Variants in GUSB observed in about 807,000 individuals in gnomAD.
GUSB encodes beta-glucuronidase.
In GUSB, 51 loss-of-function variants were observed where a neutral mutation model predicts 74.6. The observed-to-expected ratio is 0.68, with a 90% CI of 0.55 to 0.86. The LOEUF is 0.86. GUSB is among the 40% of genes least tolerant of loss of function. GUSB has a pLI of 0.00. For synonymous variants in GUSB, 360 were observed against 348.3 expected (o/e 1.03, Z -0.37); for missense variants, 736 against 853.7 (o/e 0.86, Z 1.72).
intron 5 of GUSB, 61 bp downstream of exon 5, chr7:65,975,954 A>G: frequency 6.9e-7 from 1 of 1,443,470 alleles, no homozygotes; most frequent in South Asian, 1.2e-5. Flanking sequence ...CTCCTGCTGA[A>G]GCCAGGGTCA....
rs761881997 is a variant in GUSB, at chr7:65,974,317, C to T, written c.1369G>A (p.Glu457Lys). The change falls in exon 8 of 12, where the codon GAA (glutamate) becomes AAA (lysine). Residue 457 changes from glutamate (E) to lysine (K), a missense_variant. By Grantham distance (56) the Glu-to-Lys change is moderately conservative. This residue lies in a region of GUSB where 368 missense variants were observed against 489.9 expected (regional missense o/e 0.75). Coordinates refer to ENST00000304895, the MANE Select transcript of GUSB (RefSeq NM_000181.4). ...CACTTCAAGTAGTAGCCAGCAGATT[C>T]TAGGTGGGACGCAGGCTCGTTGGCC... The part of the protein sequence containing the change: ...SVANEPASHL[E>K]SAGYYLKMVI... 1 of 1,614,108 alleles carries T rather than the reference C, an allele frequency of 6.2e-7. No individual in the cohort carries two copies. The highest frequency in any genetic ancestry group is 8.5e-7 in the Non-Finnish European group (1 of 1,180,020).
intron 1 of GUSB, chr7:65,980,947 T>G: frequency 4.9e-6 from 1 of 205,104 alleles, no homozygotes; most frequent in Non-Finnish European, 1.0e-5. Flanking sequence ...GGTGGCGTCC[T>G]GGGCCTGATG....
chr7:65,982,013 C>G lies in GUSB; in HGVS notation c.171G>C (p.Arg57=), dbSNP rs567066124. The G allele has an allele frequency of 1.2e-6, 2 of 1,609,884 alleles. No individual in the cohort carries two copies. Among genetic ancestry groups the G allele is most frequent in the African/African-American group, 1.3e-5 (1 of 74,684 alleles). Residue 57 remains arginine (R), a synonymous_variant, in exon 1 of 12, where the codon CGG becomes CGC. Transcript: ENST00000304895. ...FRADFSDNRR[R]GFEEQWYRRP... ...GCCGGTACCACTGCTCCTCGAAGCCCCGGCGTCGGTTGTCAGAGAAGTCGG... is the reference window on the plus strand; with the variant it reads ...GCCGGTACCACTGCTCCTCGAAGCCGCGGCGTCGGTTGTCAGAGAAGTCGG...
chr7:65,966,167 T>C (rs1790822920), intron 10 of GUSB, among the ~76,000 whole-genome samples: 1 of 150,234 alleles, frequency 6.7e-6, no homozygotes, highest in African/African-American at 2.5e-5. Flanking sequence ...CGAAACTCTG[T>C]GTCAAAAAAA....
intron 5 of GUSB, 31 bp from the exon 6 acceptor site, chr7:65,975,102 C>A (rs191679618): frequency 5.6e-6 from 9 of 1,609,160 alleles, no homozygotes; most frequent in South Asian, 1.1e-5. Context: ...GGTGTGAGCA[C>A]CCCGACAGCC....
At chr7:65,981,935 G>A in intron 1 of GUSB, 39 bp downstream of exon 1, 4 of 1,559,580 alleles carry the variant, frequency 2.6e-6, no homozygotes, top group Non-Finnish European at 2.6e-6. Context: ...CCCACCGCCG[G>A]GCTTTCGGGC....
chr7:65,970,573 G>A (rs1791132301), intron 8 of GUSB, among the ~76,000 whole-genome samples: 1 of 151,508 alleles, frequency 6.6e-6, no homozygotes, highest in Non-Finnish European at 1.5e-5. Context: ...CCAACATGGT[G>A]AAACCCCAAC....
chr7:65,980,184 T>TCCCCCCCCCCCCCCCCCCCCCCCCCCCC, intron 2 of GUSB, 40 bp downstream of exon 2: 1 of 720,098 alleles, frequency 1.4e-6, no homozygotes, highest in Non-Finnish European at 2.5e-6. Flanking sequence ...TCAGCAGCCG[T>TCCCCCCCCCCCCCCCCCCCCCCCCCCCC]GCCCCCCCAC....
chr7:65,974,649 C>A lies in GUSB; in HGVS notation c.1121G>T (p.Arg374Leu). 4.3e-6 allele frequency: 7 copies of A among 1,613,924 alleles called. No individual in the cohort carries two copies. The highest frequency in any genetic ancestry group is 1.3e-5 in the African/African-American group (1 of 75,050). Residue 374 changes from arginine to leucine, a missense_variant, in exon 7 of 12, where the codon CGC becomes CTC. Arg to Leu is a moderately radical substitution (Grantham distance 102, BLOSUM62 -2). Around this residue, in one of 2 missense-constraint regions of GUSB, gnomAD observed 368 missense variants for 489.9 expected, o/e 0.75. Coordinates refer to ENST00000304895, the MANE Select transcript of GUSB (RefSeq NM_000181.4). The stretch of plus-strand genomic sequence containing the variant: ...ACGGAAAGCGTTGGCACCAAGCCAG[C>A]GAAGCAGGTTGAAGTCCTTCACCAG... Reference protein sequence around the residue: ...PLLVKDFNLLRWLGANAFRTS... With the variant: ...PLLVKDFNLLLWLGANAFRTS...
chr7:65,974,674 G>A lies in GUSB; in HGVS notation c.1096C>T (p.Leu366=). The change falls in exon 7 of 12, where the codon CTG becomes TTG. Residue 366 remains leucine (L), a synonymous_variant. Coordinates refer to ENST00000304895, the MANE Select transcript of GUSB (RefSeq NM_000181.4). The part of the protein sequence containing the change: ...IRGKGFDWPL[L]VKDFNLLRWL... ...CGAAGCAGGTTGAAGTCCTTCACCA[G>A]CAGCGGCCAGTCGAAGCCCTTCCCT... is the stretch of plus-strand genomic sequence containing the variant. The A allele has an allele frequency of 3.1e-6, 5 of 1,613,504 alleles. No individual in the cohort carries two copies. The highest frequency in any genetic ancestry group is 4.2e-6 in the Non-Finnish European group (5 of 1,180,026).
At chr7:65,980,521 T>C (rs945957803) in intron 1 of GUSB, 112 bp from the exon 2 acceptor site, 3 of 973,428 alleles carry the variant, frequency 3.1e-6, no homozygotes, top group East Asian at 2.6e-5. Flanking sequence ...ATAGCGGGGA[T>C]TCTTGGCAGA....
Position 65,967,764 on chromosome 7 carries a change from C to T in GUSB, c.1620G>A (p.Glu540=), listed in dbSNP as rs368053364. ...ACCCTGCAATCGTTTCTGCTCCATA[C>T]TCGCTCTGAATAATGGGCTTCTGAT... ...KKYQKPIIQS[E]YGAETIAGFH... is the part of the protein sequence containing the mutation. The change falls in exon 10 of 12, where the codon GAG becomes GAA. Residue 540 remains glutamate, a synonymous_variant. Transcript: ENST00000304895. 7 of 1,613,828 alleles carry T rather than the reference C, an allele frequency of 4.3e-6. No homozygotes were observed. Among genetic ancestry groups the T allele is most frequent in the African/African-American group, 2.7e-5 (2 of 75,064 alleles).
intron 10 of GUSB, among the ~76,000 whole-genome samples, chr7:65,965,342 G>A (rs1266470229): frequency 6.6e-6 from 1 of 152,076 alleles, no homozygotes; most frequent in Admixed American, 6.6e-5. Flanking sequence ...AGGTTGAGCA[G>A]TGAGCTGTGA....
intron 4 of GUSB, 57 bp downstream of exon 4, chr7:65,979,342 G>A: frequency 1.3e-6 from 2 of 1,544,178 alleles, no homozygotes; most frequent in South Asian, 2.2e-5. Flanking sequence ...TTTCCAAACA[G>A]GGAACAAACA....
intron 10 of GUSB, among the ~76,000 whole-genome samples, chr7:65,965,265 G>A (rs143506896): frequency 1.3e-5 from 2 of 151,880 alleles, no homozygotes; most frequent in African/African-American, 4.8e-5. Flanking sequence ...TATTAGCCAG[G>A]TGTGGTGGCG....
intron 5 of GUSB, 155 bp downstream of exon 5, chr7:65,975,860 A>G (rs1374333418): frequency 8.1e-6 from 5 of 619,724 alleles, no homozygotes; most frequent in Non-Finnish European, 1.4e-5. Context: ...AAAAAAAAAA[A>G]AAAAAAGAAA....
chr7:65,976,328 C>CT, intron 4 of GUSB, 126 bp from the exon 5 acceptor site: 12 of 704,954 alleles, frequency 1.7e-5, no homozygotes, highest in Non-Finnish European at 2.7e-5. Flanking sequence ...AATTTAATTT[C>CT]TTATTTTTTT....
rs764486500 is a variant in GUSB at position 65,979,858 on chromosome 7, C to G, written c.450G>C (p.Glu150Asp). ...LEHEGGYLPF[E>D]ADISNLVQVG... ...CCTGGACCAGGTTGCTGATGTCGGC[C>G]TCGAAGGGGAGGTAGCCCCCCTCAT... is the stretch of plus-strand genomic sequence containing the variant. Residue 150 changes from glutamate (E) to aspartate (D), a missense_variant, in exon 3 of 12, where the codon GAG becomes GAC. Transcript: ENST00000304895. The G allele has an allele frequency of 6.2e-7, 1 of 1,613,224 alleles. No individual in the cohort carries two copies. Among genetic ancestry groups the G allele is most frequent in the East Asian group, 2.2e-5 (1 of 44,874 alleles).
chr7:65,975,860 A>C, intron 5 of GUSB, 155 bp downstream of exon 5: 1 of 619,838 alleles, frequency 1.6e-6, no homozygotes, highest in East Asian at 2.8e-5. Flanking sequence ...AAAAAAAAAA[A>C]AAAAAAGAAA....
Sources: allele counts gnomAD v4.1 joint callset (sites outside exome capture counted in the v4.1 genomes callset), GRCh38; gene constraint gnomAD v4.1.1; regional missense constraint gnomAD v4.1.1; transcripts MANE v1.5; gene names NCBI Gene and HGNC (gene_info 2026-07-23, HGNC 2026-07-21).